SUGCT: variants seen among roughly 807,000 people sequenced by gnomAD.
SUGCT encodes the protein succinyl-CoA:glutarate CoA-transferase.
A neutral mutation model predicts 55.0 loss-of-function variants in SUGCT; 41 were observed. The observed-to-expected ratio is 0.74, with a 90% CI of 0.58 to 0.97. SUGCT has a LOEUF of 0.97. Among genes scored for constraint, SUGCT ranks in the 50% least tolerant of loss-of-function variants. SUGCT has a pLI of 0.00. For missense variants in SUGCT, 568 were observed against 547.8 expected (o/e 1.04, Z -0.37); for synonymous variants, 187 against 200.4 (o/e 0.93, Z 0.56).
chr7:40,462,888 T>C (rs747040890), intron 11 of SUGCT, among the ~76,000 whole-genome samples: 4 of 152,178 alleles, frequency 2.6e-5, no homozygotes, highest in Non-Finnish European at 5.9e-5. Context: ...ATATTTTTCA[T>C]AATAACCACT....
the SUGCT span, among the ~76,000 whole-genome samples, chr7:41,037,425 C>G: frequency 2.7e-5 from 4 of 147,386 alleles, no homozygotes; most frequent in Non-Finnish European, 1.5e-5. Context: ...CTGAATGATA[C>G]TTTAAAAAAA....
chr7:40,318,873 TA>T (rs1395917610), intron 9 of SUGCT, among the ~76,000 whole-genome samples: 1 of 152,372 alleles, frequency 6.6e-6, no homozygotes, highest in South Asian at 2.1e-4. Flanking sequence ...TTTGCTCATT[TA>T]AAAAATGGAA....
At chr7:40,149,697 C>T (rs1214852130) in intron 1 of SUGCT, among the ~76,000 whole-genome samples, 2 of 152,126 alleles carry the variant, frequency 1.3e-5, no homozygotes, top group Non-Finnish European at 2.9e-5. Context: ...GCAGGTGGAT[C>T]ACCTGAGGTC....
chr7:40,295,138 A>G (rs1366424693), intron 8 of SUGCT, among the ~76,000 whole-genome samples: 1 of 152,220 alleles, frequency 6.6e-6, no homozygotes, highest in Non-Finnish European at 1.5e-5. Flanking sequence ...TCACATCTTT[A>G]ACAAAAGAAA....
intron 1 of SUGCT, among the ~76,000 whole-genome samples, chr7:40,176,088 G>A (rs1179936395): frequency 6.6e-6 from 1 of 151,876 alleles, no homozygotes; most frequent in African/African-American, 2.4e-5. Flanking sequence ...AAAAAACAGC[G>A]GGACATGGTG....
At chr7:40,647,353 C>T (rs1800571109) in intron 12 of SUGCT, among the ~76,000 whole-genome samples, 1 of 152,112 alleles carries the variant, frequency 6.6e-6, no homozygotes, top group Non-Finnish European at 1.5e-5. Context: ...AGAATGTACT[C>T]AATCAGAATA....
intron 12 of SUGCT, among the ~76,000 whole-genome samples, chr7:40,739,130 A>G (rs368456561): frequency 9.8e-5 from 15 of 152,314 alleles, no homozygotes; most frequent in African/African-American, 3.1e-4. Flanking sequence ...TTGCAAAACT[A>G]TACCACAATA....
At chr7:40,472,051 T>C (rs1258490635) in intron 11 of SUGCT, among the ~76,000 whole-genome samples, 1 of 152,108 alleles carries the variant, frequency 6.6e-6, no homozygotes, top group East Asian at 1.9e-4. Flanking sequence ...GAATAATAAT[T>C]AGTGTTGCGT....
chr7:40,289,050 A>G lies in SUGCT; in HGVS notation c.720+14394A>G, dbSNP rs140597661. Among the ~76,000 whole-genome samples the G allele has an allele frequency of 1.0e-3, 153 of 152,308 alleles. No individual in the cohort carries two copies. In the Middle Eastern group the frequency reaches 0.01, roughly 10 times the overall value. On this transcript the variant is annotated intron_variant, in intron 8 of 13. Coordinates refer to ENST00000335693, the MANE Select transcript of SUGCT (RefSeq NM_001193313.2). ...TATGTCTCTTTCCTCCTTCCGTATT[A>G]TCACCTGTGGTAGGCTGAAAATAGT...
At chr7:40,447,257 A>G (rs1788888751) in intron 9 of SUGCT, among the ~76,000 whole-genome samples, 1 of 152,178 alleles carries the variant, frequency 6.6e-6, no homozygotes, top group Admixed American at 6.5e-5. Context: ...TTTAATGATC[A>G]CATGCGGCTA....
intron 1 of SUGCT, among the ~76,000 whole-genome samples, chr7:40,161,372 A>G (rs920703458): frequency 6.6e-6 from 1 of 151,924 alleles, no homozygotes; most frequent in African/African-American, 2.4e-5. Context: ...CTCTCTCTAT[A>G]TTTTTTTGTG....
chr7:40,639,513 ATTTT>A (rs375633993), intron 12 of SUGCT, among the ~76,000 whole-genome samples: 1 of 137,302 alleles, frequency 7.3e-6, no homozygotes, highest in African/African-American at 2.7e-5. Flanking sequence ...GCTTTTTCAG[ATTTT>A]TTTTTTTTTT....
rs1457914906 is a variant in SUGCT at position 40,666,687 on chromosome 7, A to G, written c.1090-82747A>G. Among the ~76,000 whole-genome samples, 3 of 151,994 alleles carry G rather than the reference A, an allele frequency of 2.0e-5. No individual in the cohort carries two copies. The East Asian group carries it at 5.8e-4, about 29-fold the overall frequency. ...TTCAGATATAATACATTTATGTTCC[A>G]TGTGTTCGTATGATTTCCCCCAACA... is the stretch of plus-strand genomic sequence containing the variant. On this transcript the variant is annotated intron_variant, in intron 12 of 13. Transcript: ENST00000335693.
chr7:40,220,705 A>G (rs554862593), intron 6 of SUGCT, among the ~76,000 whole-genome samples: 22 of 152,342 alleles, frequency 1.4e-4, no homozygotes, highest in Admixed American at 5.2e-4. Flanking sequence ...TTTTCAAGAA[A>G]ATAATGCCAG....
In SUGCT at chr7:40,458,362, G is replaced by A. The variant is rs147595641; in HGVS notation, c.889-739G>A. 4.9e-3 allele frequency among the ~76,000 whole-genome samples: 751 copies of A among 152,230 alleles called. 11 individuals are homozygous for A. The highest frequency in any genetic ancestry group is 0.017 in the African/African-American group (700 of 41,530). On this transcript the variant is annotated intron_variant, in intron 10 of 13. Transcript: ENST00000335693. ...GTACTTTCATTATGGTCTTGTTAAC[G>A]TTGAATGTTGTCCAAAGGGACTTGC... is the stretch of plus-strand genomic sequence containing the variant.
intron 12 of SUGCT, among the ~76,000 whole-genome samples, chr7:40,677,714 C>T (rs1360435240): frequency 6.6e-6 from 1 of 152,150 alleles, no homozygotes; most frequent in Non-Finnish European, 1.5e-5. Flanking sequence ...ATCTCTATAG[C>T]AGGAGTCAGT....
At chr7:40,935,370 A>G in the SUGCT span, among the ~76,000 whole-genome samples, 2 of 152,082 alleles carry the variant, frequency 1.3e-5, no homozygotes, top group African/African-American at 4.8e-5. Context: ...TCATCCCCCA[A>G]AGAAACTCCA....
At chr7:40,864,161 G>T (rs1794540354), downstream of SUGCT, among the ~76,000 whole-genome samples, 1 of 152,102 alleles carries the variant, frequency 6.6e-6, no homozygotes, top group African/African-American at 2.4e-5. Flanking sequence ...GGCCCTGAAA[G>T]TTCCTTTCAA....
At chr7:40,846,901 A>G (rs1394738531) in intron 13 of SUGCT, among the ~76,000 whole-genome samples, 1 of 152,196 alleles carries the variant, frequency 6.6e-6, no homozygotes, top group African/African-American at 2.4e-5. Flanking sequence ...TGGTGTCATA[A>G]TGATCCTACC....
Sources: allele counts gnomAD v4.1 joint callset (sites outside exome capture counted in the v4.1 genomes callset), GRCh38; gene constraint gnomAD v4.1.1; transcripts MANE v1.5; gene names NCBI Gene and HGNC (gene_info 2026-07-23, HGNC 2026-07-21).